ABHD2: variants seen among roughly 807,000 people sequenced by gnomAD.
The protein encoded by ABHD2 is monoacylglycerol lipase ABHD2.
A neutral mutation model predicts 48.1 loss-of-function variants in ABHD2; 20 were observed. The observed-to-expected ratio is 0.42, with a 90% confidence interval of 0.29 to 0.60. The LOEUF is 0.60. Ranked by LOEUF, ABHD2 falls within the 20% of genes least tolerant of loss-of-function variation. ABHD2 has a pLI of 0.24. For missense variants in ABHD2, 405 were observed against 550.9 expected (o/e 0.74, Z 2.65); for synonymous variants, 209 against 214.2 (o/e 0.98, Z 0.21).
chr15:89,073,911 G>C, the ABHD2 span, among the ~76,000 whole-genome samples: 1 of 152,140 alleles, frequency 6.6e-6, no homozygotes, highest in Non-Finnish European at 1.5e-5. Context: ...CTTTTTGTTA[G>C]AAAAGCTCCC....
intron 5 of ABHD2, among the ~76,000 whole-genome samples, chr15:89,158,668 A>G (rs997542695): frequency 1.3e-5 from 2 of 152,172 alleles, no homozygotes; most frequent in African/African-American, 2.4e-5. Flanking sequence ...AGTTGATTAC[A>G]TATAGTAAAC....
the ABHD2 span, among the ~76,000 whole-genome samples, chr15:89,046,015 A>T: frequency 4.6e-5 from 7 of 152,208 alleles, no homozygotes; most frequent in Admixed American, 4.6e-4. Flanking sequence ...CCCATTCAGT[A>T]TGATATTGGC....
At chr15:89,041,464 G>A in the ABHD2 span, among the ~76,000 whole-genome samples, 2 of 152,188 alleles carry the variant, frequency 1.3e-5, no homozygotes, top group East Asian at 1.9e-4. Context: ...ACCCGCCTAA[G>A]GGCACAGAGG....
chr15:89,057,689 T>G, the ABHD2 span, among the ~76,000 whole-genome samples: 1 of 151,170 alleles, frequency 6.6e-6, no homozygotes, highest in African/African-American at 2.4e-5. Context: ...GGCCTCAGGG[T>G]GGCGCTGCTC....
chr15:89,074,084 G>A, the ABHD2 span, among the ~76,000 whole-genome samples: 1 of 152,104 alleles, frequency 6.6e-6, no homozygotes, highest in Non-Finnish European at 1.5e-5. Flanking sequence ...GTACATAAGA[G>A]TCACCTGGGC....
rs2051203669 is a variant in ABHD2 at position 89,186,065 on chromosome 15, C to T, written c.815+549C>T. Among the ~76,000 whole-genome samples, 2 of 152,332 alleles carry T rather than the reference C, an allele frequency of 1.3e-5. No homozygotes were observed. The highest frequency in any genetic ancestry group is 4.1e-4 in the South Asian group (2 of 4,826). Reference sequence around the variant, plus strand: ...AATCTAAGACAATGAACCACTTCCACACCCTTTTCTCCCAAATTAGAGCAG... The same window carrying T: ...AATCTAAGACAATGAACCACTTCCATACCCTTTTCTCCCAAATTAGAGCAG... On this transcript the variant is annotated intron_variant, in intron 7 of 10. Coordinates refer to ENST00000352732, the MANE Select transcript of ABHD2 (RefSeq NM_152924.5). The surrounding 1 kb of genome is among the most constrained non-coding windows in gnomAD (Gnocchi z 4.3).
At position 89,106,641 on chromosome 15, in the gene ABHD2, T is replaced by C. The variant is rs2049790625; in HGVS notation, c.-106-7084T>C. On this transcript the variant is annotated intron_variant, in intron 1 of 10. Coordinates refer to ENST00000352732, the MANE Select transcript of ABHD2 (RefSeq NM_152924.5). This position sits in a 1 kb window ranked among gnomAD's most constrained non-coding sequence, Gnocchi z 4.2. The stretch of plus-strand genomic sequence containing the variant: ...TTGTTTTCGTCCCTGCAGAATGGTT[T>C]TTTTCCCCCTATGATGGCTCTGACT... Among the ~76,000 whole-genome samples the C allele has an allele frequency of 6.6e-6, 1 of 152,164 alleles. No homozygotes were observed. Among genetic ancestry groups the C allele is most frequent in the Non-Finnish European group, 1.5e-5 (1 of 68,036 alleles).
At chr15:89,160,660 A>T (rs2050748630) in intron 5 of ABHD2, among the ~76,000 whole-genome samples, 1 of 152,242 alleles carries the variant, frequency 6.6e-6, no homozygotes, top group African/African-American at 2.4e-5. Flanking sequence ...ATTATGGCTT[A>T]GCTGAGGGGC....
chr15:89,125,880 T>C lies in ABHD2; in HGVS notation c.194+9359T>C, dbSNP rs74032740. Among the ~76,000 whole-genome samples, 1,230 of 152,272 alleles carry C rather than the reference T, an allele frequency of 8.1e-3. 20 individuals carry two copies. Among genetic ancestry groups the C allele is most frequent in the African/African-American group, 0.028 (1,179 of 41,524 alleles). On this transcript the variant is annotated intron_variant, in intron 3 of 10. Transcript: ENST00000352732. ...CCACCTTCTCTAACCTAGATACAGATTGTAGCTTCTTCTTAGAGACTTTAT... is the reference window on the plus strand; with the variant it reads ...CCACCTTCTCTAACCTAGATACAGACTGTAGCTTCTTCTTAGAGACTTTAT...
At chr15:89,187,895 G>A (rs1312777389) in intron 7 of ABHD2, among the ~76,000 whole-genome samples, 2 of 152,154 alleles carry the variant, frequency 1.3e-5, no homozygotes, top group African/African-American at 4.8e-5. Context: ...TTGGCCCATG[G>A]CCCACCACTC....
chr15:89,153,083 C>A (rs112684742), intron 4 of ABHD2, among the ~76,000 whole-genome samples: 84 of 152,278 alleles, frequency 5.5e-4, no homozygotes, highest in African/African-American at 1.9e-3. Context: ...ATGCTGGTCC[C>A]CAGACCTTCA....
chr15:89,069,406 G>A, the ABHD2 span, among the ~76,000 whole-genome samples: 2 of 151,904 alleles, frequency 1.3e-5, no homozygotes, highest in Non-Finnish European at 2.9e-5. Flanking sequence ...GGGATTACAG[G>A]CATAATCTTT....
intron 3 of ABHD2, among the ~76,000 whole-genome samples, chr15:89,134,447 G>T (rs2050270413): frequency 6.6e-6 from 1 of 151,964 alleles, no homozygotes; most frequent in African/African-American, 2.4e-5. Context: ...TAAATTTCCT[G>T]GATGTATTTA....
At chr15:89,046,148 A>C in the ABHD2 span, among the ~76,000 whole-genome samples, 2 of 152,194 alleles carry the variant, frequency 1.3e-5, no homozygotes, top group Non-Finnish European at 2.9e-5. Flanking sequence ...GCATCTATTG[A>C]GATAATCATG....
the ABHD2 span, among the ~76,000 whole-genome samples, chr15:89,080,694 CTTTTT>C: frequency 7.1e-6 from 1 of 141,384 alleles, no homozygotes. Flanking sequence ...GAAAAGGAGA[CTTTTT>C]TTTTTTTTTT....
intron 1 of ABHD2, among the ~76,000 whole-genome samples, chr15:89,090,970 T>G (rs962584590): frequency 6.6e-6 from 1 of 152,224 alleles, no homozygotes; most frequent in Non-Finnish European, 1.5e-5. Context: ...GAAGCAAAAG[T>G]GTGTGACTGA....
At position 89,092,049 on chromosome 15, in the gene ABHD2, C is replaced by T. The variant is rs1032678127; in HGVS notation, c.-107+3486C>T. 6.6e-6 allele frequency among the ~76,000 whole-genome samples: 1 copy of T among 152,216 alleles called. No individual in the cohort carries two copies. The highest frequency in any genetic ancestry group is 6.5e-5 in the Admixed American group (1 of 15,288). ...TGATACCATACAGATGCTACATTAT[C>T]TCCTTTCAGGATTTTCATATCTGCA... On this transcript the variant is annotated intron_variant, in intron 1 of 10. Transcript: ENST00000352732. This position sits in a 1 kb window ranked among gnomAD's most constrained non-coding sequence, Gnocchi z 4.4.
chr15:89,188,044 T>C lies in ABHD2; in HGVS notation c.816-149T>C, dbSNP rs888892288. 2 of 619,796 alleles carry C rather than the reference T, an allele frequency of 3.2e-6. No individual in the cohort carries two copies. Among genetic ancestry groups the C allele is most frequent in the Non-Finnish European group, 5.7e-6 (2 of 348,194 alleles). The allele number at this position is 619,796 out of a possible 1,614,324, so 38.4% of individuals were successfully genotyped here. A position where few individuals can be genotyped will look rare whatever the true frequency, so the allele number is the denominator to read the frequency against. ...TTTTGACATTAACAGCGCCAGCTCATCCTCTGGGACATTCCAAAGGCTAAA... is the reference window on the plus strand; with the variant it reads ...TTTTGACATTAACAGCGCCAGCTCACCCTCTGGGACATTCCAAAGGCTAAA... On this transcript the variant is annotated intron_variant, in intron 7 of 10. Coordinates refer to ENST00000352732, the MANE Select transcript of ABHD2 (RefSeq NM_152924.5). This position sits in a 1 kb window ranked among gnomAD's most constrained non-coding sequence, Gnocchi z 4.1.
Position 89,112,388 on chromosome 15 carries a change from C to A in ABHD2, c.-106-1337C>A, listed in dbSNP as rs368301799. Among the ~76,000 whole-genome samples, 217 of 152,316 alleles carry A rather than the reference C, an allele frequency of 1.4e-3. 4 individuals are homozygous for A. In the South Asian group the frequency reaches 0.043, roughly 30 times the overall value. ...GCCCCATGGGCTGCCAGTTTAGGATCTTTGATCTGGTCCATGCCCTGTTTT... is the reference window on the plus strand; with the variant it reads ...GCCCCATGGGCTGCCAGTTTAGGATATTTGATCTGGTCCATGCCCTGTTTT... On this transcript the variant is annotated intron_variant, in intron 1 of 10. Transcript: ENST00000352732.
Sources: gnomAD v4.1 joint callset for allele counts (sites outside exome capture counted in the v4.1 genomes callset) on GRCh38, gnomAD v4.1.1 for gene constraint, Gnocchi (gnomAD v3.1) non-coding constraint, MANE v1.5 for transcripts, NCBI Gene and HGNC (gene_info 2026-07-23, HGNC 2026-07-21) for gene names.